The following FAR2 variants were observed in gnomAD, a reference collection of about 807,000 sequenced individuals.
FAR2 encodes the protein epididymis secretory protein Li 81.
FAR2 carries 19 observed loss-of-function variants against 56.0 expected under a neutral mutation model. That is an observed-to-expected ratio of 0.34 (90% CI 0.24 to 0.50). The LOEUF (loss-of-function observed/expected upper bound fraction) is 0.50, where lower values mean the gene tolerates loss of function less well. FAR2 is among the 20% of genes least tolerant of loss of function. FAR2 has a pLI of 0.98. For missense variants in FAR2, 508 were observed against 642.2 expected, an observed-to-expected ratio of 0.79 and a Z score of 2.26; for synonymous variants, 219 against 218.8, an observed-to-expected ratio of 1.00 and a Z score of -0.01.
intron 1 of FAR2, among the ~76,000 whole-genome samples, chr12:29,258,813 T>C (rs1036176993): frequency 1.3e-5 from 2 of 152,250 alleles, no homozygotes; most frequent in African/African-American, 4.8e-5. Flanking sequence ...TTTGGTTGAA[T>C]GAAATTGAGA....
Position 29,283,845 on chromosome 12 carries a change from A to C in FAR2, c.190-9455A>C, listed in dbSNP as rs114796252. On this transcript the variant is annotated intron_variant, in intron 2 of 11. Coordinates refer to ENST00000536681, the MANE Select transcript of FAR2 (RefSeq NM_001271783.2). The stretch of plus-strand genomic sequence containing the variant: ...CAGCTTTTCATTGTGTCAAAAGCAA[A>C]TGTAGATAGTGCAATTGATATTTTA... Among the ~76,000 whole-genome samples, 628 of 152,344 alleles carry C rather than the reference A, an allele frequency of 4.1e-3. 6 individuals carry two copies. The highest frequency in any genetic ancestry group is 0.014 in the African/African-American group (596 of 41,578).
chr12:29,202,626 A>G (rs1307818016), intron 1 of FAR2, among the ~76,000 whole-genome samples: 2 of 152,214 alleles, frequency 1.3e-5, no homozygotes, highest in South Asian at 2.1e-4. Context: ...CGGATCCCTC[A>G]TAAATGGCTT....
At chr12:29,308,695 C>CAG (rs1305895653) in intron 5 of FAR2, among the ~76,000 whole-genome samples, 126 of 51,244 alleles carry the variant, frequency 2.5e-3, no homozygotes, top group East Asian at 5.6e-3. Flanking sequence ...CACAGACACA[C>CAG]ACACACACAC....
intron 1 of FAR2, among the ~76,000 whole-genome samples, chr12:29,178,638 A>G (rs1949962334): frequency 6.6e-6 from 1 of 152,182 alleles, no homozygotes. Flanking sequence ...AAAGGGGCCC[A>G]GGACGGGGGA....
intron 1 of FAR2, among the ~76,000 whole-genome samples, chr12:29,218,299 C>T (rs954648492): frequency 2.0e-5 from 3 of 150,488 alleles, no homozygotes; most frequent in African/African-American, 4.9e-5. Flanking sequence ...GTGGAGCTTG[C>T]AGTGAGCCGA....
At chr12:29,272,464 T>C (rs998893093) in intron 2 of FAR2, among the ~76,000 whole-genome samples, 2 of 152,264 alleles carry the variant, frequency 1.3e-5, no homozygotes, top group Admixed American at 6.5e-5. Flanking sequence ...TGTTGTGCTG[T>C]GTTTTTCAGC....
At chr12:29,162,649 AAATT>A (rs1184032824) in intron 1 of FAR2, among the ~76,000 whole-genome samples, 2 of 152,226 alleles carry the variant, frequency 1.3e-5, no homozygotes, top group African/African-American at 4.8e-5. Context: ...TTGGTGAAAA[AAATT>A]AATAGTGTGG....
At chr12:29,274,711 C>G (rs1469037147) in intron 2 of FAR2, among the ~76,000 whole-genome samples, 2 of 151,930 alleles carry the variant, frequency 1.3e-5, no homozygotes, top group Non-Finnish European at 2.9e-5. Flanking sequence ...TTGTGAAATT[C>G]CTTCTCCTGG....
At chr12:29,294,813 G>T (rs540597553) in intron 3 of FAR2, among the ~76,000 whole-genome samples, 11 of 152,168 alleles carry the variant, frequency 7.2e-5, no homozygotes, top group African/African-American at 2.6e-4. Flanking sequence ...TACCTAGAAA[G>T]AGGAGTACGG....
chr12:29,255,535 A>G (rs1178804633), intron 1 of FAR2, among the ~76,000 whole-genome samples: 1 of 152,244 alleles, frequency 6.6e-6, no homozygotes, highest in Non-Finnish European at 1.5e-5. Flanking sequence ...CTAAGGAAGC[A>G]TGTTTTGCAA....
At chr12:29,297,579 G>C (rs1262650680) in intron 4 of FAR2, among the ~76,000 whole-genome samples, 1 of 152,152 alleles carries the variant, frequency 6.6e-6, no homozygotes, top group Non-Finnish European at 1.5e-5. Context: ...GTTTGGCATA[G>C]CTCCACCAGT....
Position 29,283,704 on chromosome 12 carries a change from C to T in FAR2, c.190-9596C>T, listed in dbSNP as rs1312838372. The stretch of plus-strand genomic sequence containing the variant: ...ATCTGAGGAGCTGCTAGGTAAATTT[C>T]GCACACCAAATTTCGTGTGTTGAAA... On this transcript the variant is annotated intron_variant, in intron 2 of 11. Coordinates refer to ENST00000536681, the MANE Select transcript of FAR2 (RefSeq NM_001271783.2). Among the ~76,000 whole-genome samples the T allele has an allele frequency of 4.6e-5, 7 of 152,228 alleles. No individual in the cohort carries two copies. In the South Asian group the frequency reaches 8.3e-4, roughly 18 times the overall value.
intron 1 of FAR2, among the ~76,000 whole-genome samples, chr12:29,235,651 C>G (rs889952836): frequency 6.6e-6 from 1 of 152,122 alleles, no homozygotes; most frequent in Non-Finnish European, 1.5e-5. Context: ...TGCATGTTAT[C>G]TTTTTTAGAG....
At chr12:29,332,826 A>G in intron 11 of FAR2, 99 bp downstream of exon 11, 3 of 1,167,362 alleles carry the variant, frequency 2.6e-6, no homozygotes, top group Non-Finnish European at 3.7e-6. Context: ...ACATTTCTTG[A>G]GCATTTACTA....
intron 1 of FAR2, among the ~76,000 whole-genome samples, chr12:29,175,627 C>T (rs1399675986): frequency 2.6e-5 from 4 of 152,198 alleles, no homozygotes; most frequent in Non-Finnish European, 5.9e-5. Flanking sequence ...GTTGATTGGT[C>T]CGTTTTACAG....
At chr12:29,200,348 T>A (rs1947390953) in intron 1 of FAR2, among the ~76,000 whole-genome samples, 1 of 152,168 alleles carries the variant, frequency 6.6e-6, no homozygotes, top group Non-Finnish European at 1.5e-5. Flanking sequence ...ACCAGGCAGA[T>A]AAGAAGAAAT....
chr12:29,291,510 C>T, intron 2 of FAR2: 1 of 448,454 alleles, frequency 2.2e-6, no homozygotes, highest in Non-Finnish European at 4.5e-6. Flanking sequence ...TGTTTGCACT[C>T]TAAATGGAGA....
chr12:29,169,840 A>T (rs1238847631), intron 1 of FAR2, among the ~76,000 whole-genome samples: 4 of 152,210 alleles, frequency 2.6e-5, no homozygotes, highest in Admixed American at 2.6e-4. Flanking sequence ...TAGTTTCTGT[A>T]GCAGCAGCCA....
intron 1 of FAR2, among the ~76,000 whole-genome samples, chr12:29,207,382 A>G (rs1366576369): frequency 6.6e-6 from 1 of 152,180 alleles, no homozygotes; most frequent in African/African-American, 2.4e-5. Context: ...TTCAGAAAGT[A>G]CAAGTACTAT....
Sources: allele counts gnomAD v4.1 joint callset (sites outside exome capture counted in the v4.1 genomes callset), GRCh38; gene constraint gnomAD v4.1.1; transcripts MANE v1.5; gene names NCBI Gene and HGNC (gene_info 2026-07-23, HGNC 2026-07-21).